The following GPD1L variants were observed in gnomAD, a reference collection of about 807,000 sequenced individuals.
GPD1L encodes glycerol-3-phosphate dehydrogenase 1-like protein.
Under a neutral mutation model 32.9 loss-of-function variants are expected in GPD1L, and 17 were observed. The observed-to-expected ratio is 0.52, with a 90% confidence interval of 0.35 to 0.78. GPD1L has a LOEUF of 0.78. GPD1L is among the 30% of genes least tolerant of loss of function. The probability of loss-of-function intolerance (pLI) is 0.01; values close to 1 mark genes in which losing one functional copy is unlikely to be tolerated. For synonymous variants in GPD1L, 187 were observed against 165.9 expected (o/e 1.13, Z -0.98); for missense variants, 361 against 447.8 (o/e 0.81, Z 1.75).
chr3:32,123,106 T>C (rs1284906757), intron 1 of GPD1L, among the ~76,000 whole-genome samples: 1 of 152,048 alleles, frequency 6.6e-6, no homozygotes, highest in Non-Finnish European at 1.5e-5. Context: ...TCTCAGTATG[T>C]TGCCCAAGCT....
chr3:32,123,576 C>A (rs1700455842), intron 1 of GPD1L, among the ~76,000 whole-genome samples: 1 of 152,104 alleles, frequency 6.6e-6, no homozygotes, highest in African/African-American at 2.4e-5. Context: ...TAAAGATTAC[C>A]TGACCCCCCC....
At chr3:32,113,000 G>A (rs1354842308) in intron 1 of GPD1L, among the ~76,000 whole-genome samples, 5 of 152,064 alleles carry the variant, frequency 3.3e-5, no homozygotes, top group African/African-American at 1.2e-4. Flanking sequence ...ACCATTTTCA[G>A]TGTGAAGCAT....
chr3:32,146,583 G>A lies in GPD1L; in HGVS notation c.506-39G>A, dbSNP rs747083396. The A allele has an allele frequency of 1.4e-4, 149 of 1,069,840 alleles. No homozygotes were observed. In the Middle Eastern group the frequency reaches 4.2e-3, roughly 30 times the overall value. 66.3% of individuals were successfully genotyped at this position (1,069,840 alleles called of 1,614,324 possible). ...ATTAGGTGTGAAAATTAAGATTAGA[G>A]GCTGTTATTAATATCCTTGTTGTCT... is the stretch of plus-strand genomic sequence containing the variant. On this transcript the variant is annotated intron_variant, in intron 4 of 7. Coordinates refer to ENST00000282541, the MANE Select transcript of GPD1L (RefSeq NM_015141.4).
intron 2 of GPD1L, among the ~76,000 whole-genome samples, chr3:32,130,339 C>T (rs910433137): frequency 6.6e-6 from 1 of 152,154 alleles, no homozygotes; most frequent in Non-Finnish European, 1.5e-5. Context: ...TGTCCCCAGT[C>T]CCTCACCCTC....
intron 1 of GPD1L, among the ~76,000 whole-genome samples, chr3:32,113,698 A>T (rs1700285563): frequency 6.6e-6 from 1 of 152,112 alleles, no homozygotes; most frequent in Non-Finnish European, 1.5e-5. Context: ...GTCTACCCCC[A>T]AACTTAGTGG....
intron 7 of GPD1L, among the ~76,000 whole-genome samples, chr3:32,162,547 G>A (rs888577609): frequency 4.1e-5 from 4 of 98,598 alleles, no homozygotes; most frequent in Admixed American, 9.2e-5. Flanking sequence ...CACCGCGCCC[G>A]GCTAATTTTT....
intron 5 of GPD1L, among the ~76,000 whole-genome samples, chr3:32,150,688 T>C (rs539625819): frequency 3.4e-4 from 51 of 152,216 alleles, no homozygotes; most frequent in Non-Finnish European, 6.5e-4. Flanking sequence ...GGTTTTGCCA[T>C]GTTGGCCAGG....
intron 1 of GPD1L, among the ~76,000 whole-genome samples, chr3:32,110,788 G>A (rs11717683): frequency 0.094 from 14,240 of 152,234 alleles, 923 homozygotes; most frequent in South Asian, 0.18. Context: ...GACTTTTCCT[G>A]ACCCTGTAAA....
chr3:32,107,944 T>C (rs1041423791), intron 1 of GPD1L, among the ~76,000 whole-genome samples: 10 of 152,202 alleles, frequency 6.6e-5, no homozygotes, highest in African/African-American at 2.4e-4. Context: ...GTTGCAGTGG[T>C]GCGATCTTGG....
At chr3:32,143,516 G>A (rs1318360431) in intron 4 of GPD1L, among the ~76,000 whole-genome samples, 1 of 152,134 alleles carries the variant, frequency 6.6e-6, no homozygotes, top group African/African-American at 2.4e-5. Context: ...ACAATGAAAG[G>A]CTAAAGGAGT....
intron 3 of GPD1L, 27 bp from the exon 4 acceptor site, chr3:32,140,201 T>A (rs773439275): frequency 1.2e-6 from 2 of 1,613,628 alleles, no homozygotes; most frequent in Non-Finnish European, 1.7e-6. Flanking sequence ...CGGTTTGTTC[T>A]CTCCTAACTT....
At chr3:32,159,471 A>G in intron 6 of GPD1L, 97 bp from the exon 7 acceptor site, 2 of 859,430 alleles carry the variant, frequency 2.3e-6, no homozygotes, top group South Asian at 1.6e-5. Context: ...TCTCTAAAAA[A>G]AAAAAAAAAG....
intron 1 of GPD1L, among the ~76,000 whole-genome samples, chr3:32,124,079 T>C (rs551823880): frequency 6.7e-6 from 1 of 149,312 alleles, no homozygotes; most frequent in Admixed American, 7.2e-5. Flanking sequence ...TTCTTTCTTT[T>C]TTCCCAGACA....
intron 4 of GPD1L, among the ~76,000 whole-genome samples, chr3:32,145,274 GT>G: frequency 6.6e-6 from 1 of 152,148 alleles, no homozygotes; most frequent in South Asian, 2.1e-4. Context: ...AGCTGAGATA[GT>G]GCCACTGCAC....
intron 5 of GPD1L, among the ~76,000 whole-genome samples, chr3:32,147,728 G>A (rs1700852275): frequency 6.6e-6 from 1 of 152,178 alleles, no homozygotes; most frequent in Non-Finnish European, 1.5e-5. Flanking sequence ...TGAGCATCTA[G>A]GGAAGAGGTT....
chr3:32,155,311 C>T (rs1700972574), intron 5 of GPD1L, among the ~76,000 whole-genome samples: 1 of 152,134 alleles, frequency 6.6e-6, no homozygotes. Context: ...AGGATAGGTA[C>T]ATACTTCTGA....
intron 7 of GPD1L, among the ~76,000 whole-genome samples, chr3:32,164,223 A>G (rs1040339604): frequency 1.3e-5 from 2 of 152,192 alleles, no homozygotes; most frequent in Admixed American, 6.5e-5. Flanking sequence ...ATCTGCTACC[A>G]CACTGCTTTG....
chr3:32,146,504 A>G, intron 4 of GPD1L, 118 bp from the exon 5 acceptor site: 1 of 715,666 alleles, frequency 1.4e-6, no homozygotes, highest in South Asian at 1.5e-5. Flanking sequence ...TTTTCTAAAT[A>G]TCCTATCATG....
At chr3:32,124,650 G>T (rs780486289) in intron 1 of GPD1L, among the ~76,000 whole-genome samples, 15 of 152,186 alleles carry the variant, frequency 9.9e-5, no homozygotes, top group Non-Finnish European at 2.1e-4. Context: ...ATTGGGCTGG[G>T]CGCAGTGGCT....
Sources: allele counts gnomAD v4.1 joint callset (sites outside exome capture counted in the v4.1 genomes callset), GRCh38; gene constraint gnomAD v4.1.1; transcripts MANE v1.5; gene names NCBI Gene and HGNC (gene_info 2026-07-23, HGNC 2026-07-21).